CHD6: variants seen among roughly 807,000 people sequenced by gnomAD.
CHD6 encodes the protein ATP-dependent chromatin remodeler CHD6.
A neutral mutation model predicts 276.9 loss-of-function variants in CHD6; 50 were observed. That is an observed-to-expected ratio of 0.18 (90% CI 0.14 to 0.23). The LOEUF is 0.23. Among genes scored for constraint, CHD6 ranks in the 10% least tolerant of loss-of-function variants. The pLI, the probability that CHD6 is intolerant of heterozygous loss-of-function variation, is 1.00. For synonymous variants in CHD6, 1,173 were observed against 1,229.3 expected, an observed-to-expected ratio of 0.95 and a Z score of 0.96; for missense variants, 2,564 against 3,365.8, an observed-to-expected ratio of 0.76 and a Z score of 5.89.
At chr20:41,598,690 T>A (rs1383446995) in intron 1 of CHD6, among the ~76,000 whole-genome samples, 1 of 152,154 alleles carries the variant, frequency 6.6e-6, no homozygotes, top group Non-Finnish European at 1.5e-5. Flanking sequence ...CAATTTCACC[T>A]CGTGTCTCTC....
chr20:41,424,240 T>C (rs1411795277), intron 29 of CHD6, among the ~76,000 whole-genome samples: 1 of 152,206 alleles, frequency 6.6e-6, no homozygotes, highest in Non-Finnish European at 1.5e-5. Context: ...TGTGGTTTTA[T>C]GTAGGTAGGT....
intron 2 of CHD6, among the ~76,000 whole-genome samples, chr20:41,536,033 A>G (rs1272939218): frequency 6.6e-6 from 1 of 151,748 alleles, no homozygotes; most frequent in African/African-American, 2.4e-5. Context: ...GGGAGCTTTG[A>G]AAACATATTT....
intron 17 of CHD6, among the ~76,000 whole-genome samples, chr20:41,465,389 C>T (rs1251838732): frequency 6.6e-6 from 1 of 152,162 alleles, no homozygotes; most frequent in African/African-American, 2.4e-5. Flanking sequence ...GCCTAAAATG[C>T]ATAACCTCGT....
At chr20:41,567,576 G>A (rs551453231) in intron 1 of CHD6, among the ~76,000 whole-genome samples, 4 of 151,866 alleles carry the variant, frequency 2.6e-5, no homozygotes, top group South Asian at 2.1e-4. Flanking sequence ...CAGTGTGCAC[G>A]TCCATGGTGG....
chr20:41,418,678 A>T (rs754469070), intron 31 of CHD6, among the ~76,000 whole-genome samples: 3 of 152,178 alleles, frequency 2.0e-5, no homozygotes, highest in Non-Finnish European at 4.4e-5. Flanking sequence ...AGGTGTACCA[A>T]TTAATTACTG....
At chr20:41,426,188 T>C (rs536138867) in intron 27 of CHD6, 35 bp from the exon 28 acceptor site, 4 of 1,481,428 alleles carry the variant, frequency 2.7e-6, no homozygotes, top group Non-Finnish European at 3.8e-6. Flanking sequence ...TCAGCAAAAC[T>C]GCAGCTTAGA....
intron 32 of CHD6, 99 bp from the exon 33 acceptor site, chr20:41,416,893 G>T: frequency 1.0e-6 from 1 of 1,004,246 alleles, no homozygotes; most frequent in Non-Finnish European, 1.4e-6. Flanking sequence ...AGAAGGAGTC[G>T]ATAAGAAAAG....
chr20:41,472,229 G>C (rs908320304), intron 17 of CHD6, among the ~76,000 whole-genome samples: 17 of 142,420 alleles, frequency 1.2e-4, no homozygotes, highest in African/African-American at 4.8e-4. Flanking sequence ...GGAATGGAGT[G>C]AGACTCTGTC....
chr20:41,611,697 A>G (rs2045888816), intron 1 of CHD6, among the ~76,000 whole-genome samples: 1 of 151,658 alleles, frequency 6.6e-6, no homozygotes, highest in Non-Finnish European at 1.5e-5. Context: ...ATCTCAGTTC[A>G]CTGGATCTCA....
rs1286770398 is a variant in CHD6 at position 41,551,654 on chromosome 20, C to T, written c.-23-294G>A. On this transcript the variant is annotated intron_variant, in intron 1 of 36. Coordinates refer to ENST00000373233, the MANE Select transcript of CHD6 (RefSeq NM_032221.5). ...AAGTTAGTGGTAACCAATAAAGGAA[C>T]AAAAACAATAACATGCCTTTACTGA... Among the ~76,000 whole-genome samples, 4 of 152,168 alleles carry T rather than the reference C, an allele frequency of 2.6e-5. No individual in the cohort carries two copies. The East Asian group carries it at 7.7e-4, about 29-fold the overall frequency.
chr20:41,565,164 T>G (rs2045342106), intron 1 of CHD6, among the ~76,000 whole-genome samples: 1 of 151,750 alleles, frequency 6.6e-6, no homozygotes, highest in Admixed American at 6.6e-5. Context: ...TGGCGCGATC[T>G]CAGCTCACTG....
At chr20:41,522,865 C>T (rs1374017879) in intron 3 of CHD6, among the ~76,000 whole-genome samples, 3 of 152,140 alleles carry the variant, frequency 2.0e-5, no homozygotes, top group East Asian at 3.8e-4. Flanking sequence ...ACTGGGCTAT[C>T]GTACCCTATT....
rs758062028 is a variant in CHD6, at chr20:41,455,837, G to A, written c.2972C>T (p.Thr991Ile). 37 of 1,609,006 alleles carry A rather than the reference G, an allele frequency of 2.3e-5. No homozygotes were observed. Among genetic ancestry groups the A allele is most frequent in the Non-Finnish European group, 3.1e-5 (36 of 1,177,970 alleles). ...QILQRRTHTI[T>I]IQSEGKGSTF... is the part of the protein sequence containing the mutation. The stretch of plus-strand genomic sequence containing the variant: ...GGACCCTTTCCCCTCAGACTGGATG[G>A]TGATGGTGTGCGTTCGCCTCTGCAG... Residue 991 changes from threonine (T) to isoleucine (I), a missense_variant, in exon 19 of 37, where the codon ACC becomes ATC. Coordinates refer to ENST00000373233, the MANE Select transcript of CHD6 (RefSeq NM_032221.5).
intron 13 of CHD6, among the ~76,000 whole-genome samples, 162 bp from the exon 14 acceptor site, chr20:41,487,970 G>GA (rs1299960143): frequency 6.6e-6 from 1 of 152,114 alleles, no homozygotes; most frequent in Non-Finnish European, 1.5e-5. Flanking sequence ...GTCAATAAAC[G>GA]AATCAACCTT....
chr20:41,404,388 A>G lies in CHD6; in HGVS notation c.*205T>C. On this transcript the variant is annotated 3_prime_UTR_variant, in exon 37 of 37. Coordinates refer to ENST00000373233, the MANE Select transcript of CHD6 (RefSeq NM_032221.5). Reference sequence around the variant, plus strand: ...ACAGAATGAGAATTCTGTGCCTCCTAGACTAGGTAGACAACACTTATCTAA... The same window carrying G: ...ACAGAATGAGAATTCTGTGCCTCCTGGACTAGGTAGACAACACTTATCTAA... 5 of 1,270,962 alleles carry G rather than the reference A, an allele frequency of 3.9e-6. No individual in the cohort carries two copies. In the South Asian group the frequency reaches 1.8e-4, roughly 45 times the overall value. 78.7% of individuals were successfully genotyped at this position (1,270,962 alleles called of 1,614,324 possible).
intron 6 of CHD6, among the ~76,000 whole-genome samples, chr20:41,498,806 T>G (rs1485814181): frequency 1.3e-5 from 1 of 75,762 alleles, no homozygotes; most frequent in African/African-American, 1.0e-4. Context: ...TGTATGTATG[T>G]ATGTATGTGT....
At chr20:41,471,095 T>C (rs2043042033) in intron 17 of CHD6, among the ~76,000 whole-genome samples, 1 of 152,232 alleles carries the variant, frequency 6.6e-6, no homozygotes, top group African/African-American at 2.4e-5. Context: ...GAAAAGGGCC[T>C]GATAGTAAAT....
At chr20:41,519,020 G>A (rs1359774361) in intron 3 of CHD6, among the ~76,000 whole-genome samples, 1 of 152,200 alleles carries the variant, frequency 6.6e-6, no homozygotes, top group Non-Finnish European at 1.5e-5. Flanking sequence ...GGTGGCTCAT[G>A]ACTGTAATCC....
chr20:41,506,413 T>C (rs2043977541), intron 5 of CHD6, among the ~76,000 whole-genome samples: 1 of 152,178 alleles, frequency 6.6e-6, no homozygotes, highest in Non-Finnish European at 1.5e-5. Flanking sequence ...CCTCAGGACT[T>C]TGTATAGACT....
Sources: allele counts gnomAD v4.1 joint callset (sites outside exome capture counted in the v4.1 genomes callset), GRCh38; gene constraint gnomAD v4.1.1; transcripts MANE v1.5; gene names NCBI Gene and HGNC (gene_info 2026-07-23, HGNC 2026-07-21).